Variants in ATP8A2 observed in about 807,000 individuals in gnomAD.
ATP8A2 encodes ATPase phospholipid transporting 8A2.
ATP8A2 carries 100 observed loss-of-function variants against 165.6 expected under a neutral mutation model. The observed-to-expected ratio is 0.60, with a 90% CI of 0.51 to 0.71. ATP8A2 has a LOEUF of 0.71. Among genes scored for constraint, ATP8A2 ranks in the 30% least tolerant of loss-of-function variants. The probability of loss-of-function intolerance (pLI) is 0.00; values close to 1 mark genes in which losing one functional copy is unlikely to be tolerated. For synonymous variants in ATP8A2, 543 were observed against 548.8 expected (o/e 0.99, Z 0.15); for missense variants, 1,227 against 1,479.5 (o/e 0.83, Z 2.80).
intron 2 of ATP8A2, among the ~76,000 whole-genome samples, chr13:25,489,585 C>T (rs2036459527): frequency 6.6e-6 from 1 of 152,174 alleles, no homozygotes; most frequent in Non-Finnish European, 1.5e-5. Flanking sequence ...CTCGCATCCT[C>T]CCCAGCACGA....
intron 27 of ATP8A2, among the ~76,000 whole-genome samples, chr13:25,817,375 G>A (rs1032784731): frequency 6.8e-6 from 1 of 147,280 alleles, no homozygotes; most frequent in African/African-American, 2.5e-5. Context: ...ACACGATTTT[G>A]TGTTTACCTG....
At position 26,012,536 on chromosome 13, in the gene ATP8A2, A is replaced by G; in HGVS notation, c.3383A>G (p.Asn1128Ser). Residue 1128 changes from asparagine (N) to serine (S), a missense_variant, in exon 36 of 37, where the codon AAC (asparagine) becomes AGC (serine). Asn to Ser is a conservative substitution (Grantham distance 46). Around this residue, in one of 5 missense-constraint regions of ATP8A2, gnomAD observed 260 missense variants for 245.1 expected, o/e 1.06. Transcript: ENST00000381655. The stretch of plus-strand genomic sequence containing the variant: ...CGCGCTTGCTTTATCCGCAGGCTGA[A>G]CGAGCGCGACCGCCTGATCAAGAGG... ...VLRDSNGKRL[N>S]ERDRLIKRLG... 1 of 1,540,130 alleles carries G rather than the reference A, an allele frequency of 6.5e-7. No homozygotes were observed. The highest frequency in any genetic ancestry group is 8.8e-7 in the Non-Finnish European group (1 of 1,141,978).
At chr13:25,574,014 G>C (rs1320533735) in intron 18 of ATP8A2, among the ~76,000 whole-genome samples, 2 of 152,232 alleles carry the variant, frequency 1.3e-5, no homozygotes, top group African/African-American at 4.8e-5. Context: ...CACACACTTA[G>C]AGGCAGAAAC....
At chr13:25,661,611 T>C (rs1294972485) in intron 24 of ATP8A2, among the ~76,000 whole-genome samples, 2 of 152,216 alleles carry the variant, frequency 1.3e-5, no homozygotes, top group Non-Finnish European at 2.9e-5. Context: ...TAAAACCAAT[T>C]TGCATAGCTC....
chr13:25,377,603 C>A (rs952272395), intron 1 of ATP8A2, among the ~76,000 whole-genome samples: 5 of 152,144 alleles, frequency 3.3e-5, no homozygotes, highest in Admixed American at 1.3e-4. Context: ...AGTTCAAGAC[C>A]AGCCTGGCCA....
At position 25,652,574 on chromosome 13, in the gene ATP8A2, G is replaced by A. The variant is rs2137638409; in HGVS notation, c.2212-46599G>A. ...TAAACATGTTATTCAGAACAAGGTT[G>A]GTTGTATGTGATCATCTTTTCCATG... On this transcript the variant is annotated intron_variant, in intron 24 of 36. Coordinates refer to ENST00000381655, the MANE Select transcript of ATP8A2 (RefSeq NM_016529.6). Among the ~76,000 whole-genome samples, 3 of 152,288 alleles carry A rather than the reference G, an allele frequency of 2.0e-5. No individual in the cohort carries two copies. The East Asian group carries it at 5.8e-4, about 29-fold the overall frequency.
intron 2 of ATP8A2, among the ~76,000 whole-genome samples, chr13:25,475,395 C>A (rs1779091712): frequency 6.6e-6 from 1 of 152,120 alleles, no homozygotes; most frequent in African/African-American, 2.4e-5. Flanking sequence ...TGTATATGTA[C>A]ATTTTCTTTA....
chr13:25,591,628 A>G (rs577454079), intron 24 of ATP8A2, among the ~76,000 whole-genome samples: 1 of 136,064 alleles, frequency 7.3e-6, no homozygotes, highest in Admixed American at 8.4e-5. Context: ...CTCTCTTGCC[A>G]GGTTGGAGTG....
chr13:26,000,581 C>T (rs1956612409), intron 35 of ATP8A2, among the ~76,000 whole-genome samples: 1 of 151,816 alleles, frequency 6.6e-6, no homozygotes, highest in South Asian at 2.1e-4. Flanking sequence ...GCTTGGGTTT[C>T]ACCATCATTA....
intron 1 of ATP8A2, among the ~76,000 whole-genome samples, chr13:25,456,743 G>A (rs1480838432): frequency 6.6e-6 from 1 of 152,198 alleles, no homozygotes; most frequent in African/African-American, 2.4e-5. Context: ...AGCAGGGAGA[G>A]GGTTTTTTAA....
chr13:25,939,919 T>G (rs181243669), intron 33 of ATP8A2, among the ~76,000 whole-genome samples: 1 of 152,338 alleles, frequency 6.6e-6, no homozygotes, highest in Admixed American at 6.5e-5. Flanking sequence ...GGGACATTTC[T>G]TCTTGTCCTT....
intron 24 of ATP8A2, among the ~76,000 whole-genome samples, chr13:25,650,830 T>C (rs1035189340): frequency 2.0e-5 from 3 of 152,224 alleles, no homozygotes; most frequent in African/African-American, 7.2e-5. Flanking sequence ...CTAGCTTTCC[T>C]AGAAATAGCC....
chr13:25,491,345 A>C (rs2036522368), intron 2 of ATP8A2, among the ~76,000 whole-genome samples: 1 of 152,148 alleles, frequency 6.6e-6, no homozygotes, highest in Non-Finnish European at 1.5e-5. Flanking sequence ...AGTGCTCTCC[A>C]GGAGCCCCAT....
chr13:25,860,916 A>G (rs1952329667), intron 32 of ATP8A2, 56 bp downstream of exon 32: 2 of 1,229,816 alleles, frequency 1.6e-6, no homozygotes, highest in Non-Finnish European at 2.3e-6. Flanking sequence ...TCATGCTAGG[A>G]TTTCTTTTTA....
At chr13:25,577,187 T>C (rs2039643617) in intron 20 of ATP8A2, 49 bp downstream of exon 20, 3 of 1,455,902 alleles carry the variant, frequency 2.1e-6, no homozygotes, top group Non-Finnish European at 2.9e-6. Context: ...GGCAGCTTTG[T>C]TAATCTGCCG....
At chr13:25,710,110 A>T (rs1593232101) in intron 25 of ATP8A2, among the ~76,000 whole-genome samples, 2 of 151,698 alleles carry the variant, frequency 1.3e-5, no homozygotes, top group African/African-American at 4.8e-5. Flanking sequence ...GGAGACTTTT[A>T]TTTTTTTTAA....
At chr13:25,927,259 C>T (rs753910798) in intron 33 of ATP8A2, 41 of 456,434 alleles carry the variant, frequency 9.0e-5, no homozygotes, top group African/African-American at 6.6e-4. Context: ...AAAGATTAAA[C>T]GTCTGCATTT....
At chr13:25,463,126 GTT>G (rs386378533) in intron 1 of ATP8A2, among the ~76,000 whole-genome samples, 31 of 138,712 alleles carry the variant, frequency 2.2e-4, no homozygotes, top group Admixed American at 4.3e-4. Flanking sequence ...TTTCTGAAGT[GTT>G]TTTTTTTTTT....
At chr13:25,703,775 G>A (rs1178052253) in intron 25 of ATP8A2, among the ~76,000 whole-genome samples, 2 of 152,296 alleles carry the variant, frequency 1.3e-5, no homozygotes, top group Non-Finnish European at 2.9e-5. Context: ...GGTTGCCAGC[G>A]GTTGGGAGGA....
Sources: gnomAD v4.1 joint callset for allele counts (sites outside exome capture counted in the v4.1 genomes callset) on GRCh38, gnomAD v4.1.1 for gene constraint, gnomAD v4.1.1 regional missense constraint, MANE v1.5 for transcripts, NCBI Gene and HGNC (gene_info 2026-07-23, HGNC 2026-07-21) for gene names.